The following ADARB2 variants were observed in gnomAD, a reference collection of about 807,000 sequenced individuals.
ADARB2 encodes adenosine deaminase RNA specific B2 (inactive), also known as inactive double-stranded RNA-specific editase B2.
Under a neutral mutation model 62.2 loss-of-function variants are expected in ADARB2, and 25 were observed. That is an observed-to-expected ratio of 0.40 (90% CI 0.29 to 0.56). The LOEUF is 0.56. Among genes scored for constraint, ADARB2 ranks in the 20% least tolerant of loss-of-function variants. ADARB2 has a pLI of 0.43. For missense variants in ADARB2, 1,071 were observed against 1,077.4 expected (o/e 0.99, Z 0.08); for synonymous variants, 572 against 500.8 (o/e 1.14, Z -1.90).
intron 1 of ADARB2, among the ~76,000 whole-genome samples, chr10:1,444,748 CCACCCATCTATCCATCCATT>C (rs1830947609): frequency 6.7e-6 from 1 of 149,668 alleles, no homozygotes; most frequent in Non-Finnish European, 1.5e-5. Flanking sequence ...ATCCATCCAT[CCACCCATCTATCCATCCATT>C]CACCATCCAT....
chr10:1,464,977 C>T (rs1321818866), intron 1 of ADARB2, among the ~76,000 whole-genome samples: 3 of 152,248 alleles, frequency 2.0e-5, no homozygotes, highest in African/African-American at 7.2e-5. Context: ...TCATCGTCAC[C>T]CTGAACTGGA....
At chr10:1,580,889 G>C (rs1833089091) in intron 1 of ADARB2, among the ~76,000 whole-genome samples, 1 of 152,194 alleles carries the variant, frequency 6.6e-6, no homozygotes, top group Admixed American at 6.5e-5. Flanking sequence ...GATTCCTCCA[G>C]GTTCTTCCAT....
intron 1 of ADARB2, among the ~76,000 whole-genome samples, chr10:1,668,093 C>T (rs1834335562): frequency 6.6e-6 from 1 of 152,186 alleles, no homozygotes; most frequent in Non-Finnish European, 1.5e-5. Context: ...TCACCCTCAC[C>T]CTTAGTGATA....
intron 3 of ADARB2, among the ~76,000 whole-genome samples, chr10:1,362,600 C>A (rs1040245802): frequency 7.2e-5 from 11 of 152,190 alleles, no homozygotes; most frequent in Non-Finnish European, 1.5e-4. Context: ...GACCAGGGAC[C>A]CCGTCTGGAT....
chr10:1,576,631 C>A (rs569618681), intron 1 of ADARB2, among the ~76,000 whole-genome samples: 137 of 152,124 alleles, frequency 9.0e-4, no homozygotes, highest in Admixed American at 1.2e-3. Context: ...CACTGTGCAA[C>A]CCCCGTTTGG....
intron 6 of ADARB2, among the ~76,000 whole-genome samples, chr10:1,223,804 G>T (rs1012169092): frequency 6.6e-6 from 1 of 152,184 alleles, no homozygotes; most frequent in Non-Finnish European, 1.5e-5. Context: ...GCTTTTTGAT[G>T]TGCTGCTGGA....
At chr10:1,598,136 G>C (rs1385203206) in intron 1 of ADARB2, among the ~76,000 whole-genome samples, 1 of 152,342 alleles carries the variant, frequency 6.6e-6, no homozygotes, top group South Asian at 2.1e-4. Flanking sequence ...GGGCAGAGGT[G>C]GGGGCATGAG....
intron 1 of ADARB2, among the ~76,000 whole-genome samples, chr10:1,414,697 T>A (rs1832787029): frequency 6.6e-6 from 1 of 152,212 alleles, no homozygotes; most frequent in Admixed American, 6.5e-5. Flanking sequence ...GCCTCCATGA[T>A]CACGATGGCC....
rs1223400464 is a variant in ADARB2 at position 1,255,713 on chromosome 10, G to T, written c.1193-13414C>A. 1.3e-5 allele frequency among the ~76,000 whole-genome samples: 2 copies of T among 152,230 alleles called. No individual in the cohort carries two copies. Among genetic ancestry groups the T allele is most frequent in the Admixed American group, 1.3e-4 (2 of 15,288 alleles). On this transcript the variant is annotated intron_variant, in intron 4 of 9. Transcript: ENST00000381312. This position sits in a 1 kb window ranked among gnomAD's most constrained non-coding sequence, Gnocchi z 4.7. ...CCAGTGACCTTTCTGTGGGCCTTGG[G>T]CAGGGAGCTGGCTGCATGGTTCGCT...
intron 1 of ADARB2, among the ~76,000 whole-genome samples, chr10:1,411,282 G>A (rs559378421): frequency 3.9e-5 from 6 of 152,310 alleles, no homozygotes; most frequent in South Asian, 2.1e-4. Context: ...GTGAGGCTGC[G>A]GGGCAACCCT....
intron 1 of ADARB2, among the ~76,000 whole-genome samples, chr10:1,666,517 C>G (rs373375458): frequency 6.6e-6 from 1 of 152,366 alleles, no homozygotes; most frequent in African/African-American, 2.4e-5. Flanking sequence ...GTCATGCACA[C>G]GCCGCTGCCA....
At position 1,491,353 on chromosome 10, in the gene ADARB2, A is replaced by G. The variant is rs185309563; in HGVS notation, c.101-112193T>C. Among the ~76,000 whole-genome samples the G allele has an allele frequency of 2.0e-3, 299 of 152,306 alleles. 3 individuals are homozygous for G. The highest frequency in any genetic ancestry group is 6.6e-3 in the African/African-American group (274 of 41,560). ...CTAAAGTGCTAGGATTACAGGCATG[A>G]GCCACCGTGCCTGGCTTATTATTTC... On this transcript the variant is annotated intron_variant, in intron 1 of 9. Transcript: ENST00000381312.
intron 3 of ADARB2, among the ~76,000 whole-genome samples, chr10:1,327,786 C>A (rs1831885771): frequency 6.7e-6 from 1 of 149,178 alleles, no homozygotes; most frequent in Non-Finnish European, 1.5e-5. Context: ...CGCCTCCCCA[C>A]AGCACAGCGC....
intron 2 of ADARB2, among the ~76,000 whole-genome samples, chr10:1,373,827 G>A (rs1277247163): frequency 6.7e-6 from 1 of 149,690 alleles, no homozygotes; most frequent in East Asian, 2.0e-4. Context: ...TGGACTCCGC[G>A]CACCCTTCCT....
intron 3 of ADARB2, among the ~76,000 whole-genome samples, chr10:1,327,723 C>A (rs577306390): frequency 1.6e-5 from 1 of 61,834 alleles, no homozygotes; most frequent in South Asian, 4.7e-4. Context: ...ACCCACAGTT[C>A]AGCACCTCCC....
rs181132488 is a variant in ADARB2 at position 1,269,349 on chromosome 10, G to C, written c.1192+1606C>G. 8.3e-4 allele frequency among the ~76,000 whole-genome samples: 127 copies of C among 152,278 alleles called. 2 individuals are homozygous for C. The South Asian group carries it at 0.013, about 15-fold the overall frequency. On this transcript the variant is annotated intron_variant, in intron 4 of 9. Transcript: ENST00000381312. ...CCACTAGAATATAAGAGCCACAAGG[G>C]TAGGCATTTGGTCTCTTGTTCTGCT...
intron 1 of ADARB2, among the ~76,000 whole-genome samples, chr10:1,387,562 C>G (rs1033215893): frequency 6.6e-6 from 1 of 151,938 alleles, no homozygotes; most frequent in African/African-American, 2.4e-5. Flanking sequence ...GATGGAGAAG[C>G]AGAAAACCAG....
At chr10:1,723,169 C>T (rs558901076) in intron 1 of ADARB2, among the ~76,000 whole-genome samples, 17 of 152,336 alleles carry the variant, frequency 1.1e-4, no homozygotes, top group African/African-American at 2.9e-4. Context: ...GTAGCTTTTA[C>T]GGCCACTGCT....
rs142496564 is a variant in ADARB2, at chr10:1,342,986, G to C, written c.1077+20042C>G. On this transcript the variant is annotated intron_variant, in intron 3 of 9. Transcript: ENST00000381312. Reference sequence around the variant, plus strand: ...TTAAGAGACTTGTATGATAAAAAATGCTTTTGCAGACACAAGAACAGGGTG... The same window carrying C: ...TTAAGAGACTTGTATGATAAAAAATCCTTTTGCAGACACAAGAACAGGGTG... Among the ~76,000 whole-genome samples the C allele has an allele frequency of 2.0e-3, 303 of 152,328 alleles. 2 individuals carry two copies. Among genetic ancestry groups the C allele is most frequent in the African/African-American group, 7.0e-3 (293 of 41,564 alleles).
Sources: allele counts gnomAD v4.1 joint callset (sites outside exome capture counted in the v4.1 genomes callset), GRCh38; gene constraint gnomAD v4.1.1; non-coding constraint Gnocchi (gnomAD v3.1); transcripts MANE v1.5; gene names NCBI Gene and HGNC (gene_info 2026-07-23, HGNC 2026-07-21).